Variants in CCDC80 observed in about 807,000 individuals in gnomAD.
The protein encoded by CCDC80 is coiled-coil domain containing 80, also known as coiled-coil domain-containing protein 80.
A neutral mutation model predicts 78.7 loss-of-function variants in CCDC80; 49 were observed. The observed-to-expected ratio is 0.62, with a 90% CI of 0.50 to 0.79. The LOEUF is 0.79. Ranked by LOEUF, CCDC80 falls within the 30% of genes least tolerant of loss-of-function variation. CCDC80 has a pLI of 0.00. For synonymous variants in CCDC80, 488 were observed against 447.0 expected, an observed-to-expected ratio of 1.09 and a Z score of -1.16; for missense variants, 1,205 against 1,198.6, an observed-to-expected ratio of 1.01 and a Z score of -0.08.
Position 112,638,584 on chromosome 3 carries a change from C to T in CCDC80, c.1322G>A (p.Ser441Asn). 6.2e-7 allele frequency: 1 copy of T among 1,614,002 alleles called. No homozygotes were observed. ...RRPSKATSLE[S>N]FTNAPPTTIS... ...GGTGGTGGGAGGGGCATTTGTGAAG[C>T]TCTCCAAGCTGGTGGCCTTGCTGGG... Residue 441 changes from serine (S) to asparagine (N), a missense_variant, in exon 2 of 8, where the codon AGC becomes AAC. Physicochemically the swap from Ser to Asn is conservative, Grantham distance 46. Coordinates refer to ENST00000206423, the MANE Select transcript of CCDC80 (RefSeq NM_199511.3).
chr3:112,616,449 G>GAAAA (rs59366104), intron 5 of CCDC80, among the ~76,000 whole-genome samples: 3 of 133,650 alleles, frequency 2.2e-5, no homozygotes, highest in Non-Finnish European at 3.2e-5. Context: ...AAAAAGAAAA[G>GAAAA]AAAAAAAAAA....
chr3:112,639,323 C>T lies in CCDC80; in HGVS notation c.583G>A (p.Glu195Lys). The part of the protein sequence containing the change: ...QQIVLFHQAG[E>K]EGGKVRRITS... ...ATCCTTCTCACCTTGCCTCCTTCCT[C>T]ACCTGCCTGGTGGAAGAGCACAATC... Residue 195 changes from glutamate to lysine, a missense_variant, in exon 2 of 8, where the codon GAG becomes AAG. Coordinates refer to ENST00000206423, the MANE Select transcript of CCDC80 (RefSeq NM_199511.3). 1 of 1,614,206 alleles carries T rather than the reference C, an allele frequency of 6.2e-7. No homozygotes were observed. Among genetic ancestry groups the T allele is most frequent in the Non-Finnish European group, 8.5e-7 (1 of 1,180,040 alleles).
intron 5 of CCDC80, among the ~76,000 whole-genome samples, chr3:112,613,603 C>A (rs371431989): frequency 2.0e-5 from 3 of 151,920 alleles, no homozygotes; most frequent in East Asian, 3.8e-4. Flanking sequence ...ATTTTGAAAC[C>A]CTTGACATAG....
Position 112,602,099 on chromosome 3 carries a change from T to A in CCDC80, c.*3318A>T, listed in dbSNP as rs957523717. 37 of 152,242 alleles carry A rather than the reference T, an allele frequency of 2.4e-4. No individual in the cohort carries two copies. Among genetic ancestry groups the A allele is most frequent in the African/African-American group, 8.7e-4 (36 of 41,462 alleles). The allele number at this position is 152,242 out of a possible 1,614,324, so 9.4% of individuals were successfully genotyped here. ...TGTCTCTGTGTCACATTTTGGTAATTCTTGCCATATTTCACACTGTTTCAT... is the reference window on the plus strand; with the variant it reads ...TGTCTCTGTGTCACATTTTGGTAATACTTGCCATATTTCACACTGTTTCAT... On this transcript the variant is annotated 3_prime_UTR_variant, in exon 8 of 8. Coordinates refer to ENST00000206423, the MANE Select transcript of CCDC80 (RefSeq NM_199511.3).
chr3:112,616,706 G>A lies in CCDC80; in HGVS notation c.2321+4C>T, dbSNP rs1331511363. On this transcript the variant is annotated splice_donor_region_variant and intron_variant, in intron 5 of 7. Transcript: ENST00000206423. ...CCTCTTTAGCGACTCCAAAGGTGAT[G>A]TACCTGGATAGGAAGTTCTCCAGGG... 1 of 1,614,056 alleles carries A rather than the reference G, an allele frequency of 6.2e-7. No homozygotes were observed. Among genetic ancestry groups the A allele is most frequent in the African/African-American group, 1.3e-5 (1 of 75,050 alleles).
intron 7 of CCDC80, among the ~76,000 whole-genome samples, chr3:112,606,974 T>A (rs1935525308): frequency 6.7e-6 from 1 of 149,486 alleles, no homozygotes; most frequent in Non-Finnish European, 1.5e-5. Context: ...ATATTAGAAA[T>A]AATATTAGTC....
At position 112,613,811 on chromosome 3, in the gene CCDC80, A is replaced by T. The variant is rs1401840870; in HGVS notation, c.2321+2899T>A. 3.3e-5 allele frequency among the ~76,000 whole-genome samples: 5 copies of T among 152,050 alleles called. No individual in the cohort carries two copies. The East Asian group carries it at 9.6e-4, about 29-fold the overall frequency. On this transcript the variant is annotated intron_variant, in intron 5 of 7. Transcript: ENST00000206423. Reference sequence around the variant, plus strand: ...GGAAGATTTAGAATTAAGAAGAAAAAGTTTCCAAAGAATCAAAATTATAGT... The same window carrying T: ...GGAAGATTTAGAATTAAGAAGAAAATGTTTCCAAAGAATCAAAATTATAGT...
intron 3 of CCDC80, 146 bp from the exon 4 acceptor site, chr3:112,619,250 C>A: frequency 3.1e-6 from 2 of 638,854 alleles, no homozygotes; most frequent in Non-Finnish European, 4.8e-6. Context: ...CAAAAGTTTT[C>A]GGAGTAAATT....
chr3:112,633,751 G>A (rs1352508201), intron 2 of CCDC80, among the ~76,000 whole-genome samples: 1 of 151,952 alleles, frequency 6.6e-6, no homozygotes, highest in Non-Finnish European at 1.5e-5. Flanking sequence ...ACCCATTTCA[G>A]GGACTCTTTC....
chr3:112,603,227 TA>T lies in CCDC80; in HGVS notation c.*2189del, dbSNP rs1204998821. 1 of 152,112 alleles carries T rather than the reference TA, an allele frequency of 6.6e-6. No homozygotes were observed. Among genetic ancestry groups the T allele is most frequent in the East Asian group, 1.9e-4 (1 of 5,186 alleles). The allele number at this position is 152,112 out of a possible 1,614,324, so 9.4% of individuals were successfully genotyped here. On this transcript the variant is annotated 3_prime_UTR_variant, in exon 8 of 8. Coordinates refer to ENST00000206423, the MANE Select transcript of CCDC80 (RefSeq NM_199511.3). ...CTGCTCAGAAAAAAAAAGAATCTTTTAAAAATATTGCTGTTCGGGCCGGGCG... is the reference window on the plus strand; with the variant it reads ...CTGCTCAGAAAAAAAAAGAATCTTTTAAAATATTGCTGTTCGGGCCGGGCG...
At chr3:112,614,718 C>T (rs1935698038) in intron 5 of CCDC80, among the ~76,000 whole-genome samples, 1 of 152,156 alleles carries the variant, frequency 6.6e-6, no homozygotes, top group Non-Finnish European at 1.5e-5. Flanking sequence ...TTAAGAGTAT[C>T]TTCCTTTGCT....
At chr3:112,611,462 A>C (rs890211370) in intron 5 of CCDC80, among the ~76,000 whole-genome samples, 2 of 152,208 alleles carry the variant, frequency 1.3e-5, no homozygotes, top group Admixed American at 6.5e-5. Flanking sequence ...CACTTTCACC[A>C]ACGCAATATG....
At chr3:112,626,799 C>T (rs984090970) in intron 3 of CCDC80, among the ~76,000 whole-genome samples, 2 of 152,180 alleles carry the variant, frequency 1.3e-5, no homozygotes, top group Non-Finnish European at 2.9e-5. Flanking sequence ...CAGCCTACGT[C>T]GGCCTCCCAA....
intron 5 of CCDC80, among the ~76,000 whole-genome samples, chr3:112,610,903 TTTTC>T (rs1176732423): frequency 1.4e-3 from 203 of 143,682 alleles, no homozygotes; most frequent in Admixed American, 2.9e-3. Context: ...ATTTCTTTTC[TTTTC>T]TTTCTTTCTT....
chr3:112,609,942 T>A (rs747418513), intron 6 of CCDC80, 36 bp downstream of exon 6: 1 of 1,396,218 alleles, frequency 7.2e-7, no homozygotes, highest in Non-Finnish European at 1.0e-6. Context: ...AGGAGAGTGG[T>A]ATGGGAAAGC....
At chr3:112,632,904 C>G (rs999070715) in intron 2 of CCDC80, among the ~76,000 whole-genome samples, 10 of 152,146 alleles carry the variant, frequency 6.6e-5, no homozygotes, top group African/African-American at 2.2e-4. Flanking sequence ...CTCTTTACCC[C>G]CTAGAGCCAG....
Position 112,639,797 on chromosome 3 carries a change from T to C in CCDC80, c.109A>G (p.Lys37Glu). Residue 37 changes from lysine (K) to glutamate (E), a missense_variant, in exon 2 of 8, where the codon AAA becomes GAA. Lys to Glu is a moderately conservative substitution (Grantham distance 56). Transcript: ENST00000206423. ...ATIRGSHGGR[K>E]VPLVSPDSSR... ...CTGTCCGGAGAAACCAAAGGCACTT[T>C]CCGTCCTCCGTGGCTGCCTCTAATA... 6.2e-7 allele frequency: 1 copy of C among 1,614,182 alleles called. No individual in the cohort carries two copies. Among genetic ancestry groups the C allele is most frequent in the Non-Finnish European group, 8.5e-7 (1 of 1,180,046 alleles).
chr3:112,611,103 C>T (rs746849698), intron 5 of CCDC80, among the ~76,000 whole-genome samples: 15 of 151,988 alleles, frequency 9.9e-5, no homozygotes, highest in Middle Eastern at 3.4e-3. Flanking sequence ...TTAGTAGAGA[C>T]GGGGTTTCAC....
At position 112,597,843 on chromosome 3, in the gene CCDC80, T is replaced by TA. The variant is rs1372697569; in HGVS notation, c.*7573dup. The TA allele has an allele frequency of 6.6e-6, 1 of 152,220 alleles. No homozygotes were observed. Among genetic ancestry groups the TA allele is most frequent in the African/African-American group, 2.4e-5 (1 of 41,430 alleles). 9.4% of individuals were successfully genotyped at this position (152,220 alleles called of 1,614,324 possible). A position where few individuals can be genotyped will look rare whatever the true frequency, so the allele number is the denominator to read the frequency against. On this transcript the variant is annotated 3_prime_UTR_variant, in exon 8 of 8. Transcript: ENST00000206423. ...CCCCATAAAAACCCATAATTGATGATACATATTAGTTTATAATTAACGGCG... is the reference window on the plus strand; with the variant it reads ...CCCCATAAAAACCCATAATTGATGATAACATATTAGTTTATAATTAACGGCG...
Sources: allele counts gnomAD v4.1 joint callset (sites outside exome capture counted in the v4.1 genomes callset), GRCh38; gene constraint gnomAD v4.1.1; transcripts MANE v1.5; gene names NCBI Gene and HGNC (gene_info 2026-07-23, HGNC 2026-07-21).